Variants in CCDC88A observed in about 807,000 individuals in gnomAD.
CCDC88A encodes the protein girdin.
Under a neutral mutation model 234.3 loss-of-function variants are expected in CCDC88A, and 54 were observed. That is an observed-to-expected ratio of 0.23 (90% CI 0.19 to 0.29). The LOEUF is 0.29. Among genes scored for constraint, CCDC88A ranks in the 10% least tolerant of loss-of-function variants. The pLI is 1.00. For missense variants in CCDC88A, 1,832 were observed against 2,123.4 expected, an observed-to-expected ratio of 0.86 and a Z score of 2.70; for synonymous variants, 753 against 737.8, an observed-to-expected ratio of 1.02 and a Z score of -0.33.
At position 55,335,096 on chromosome 2, in the gene CCDC88A, C is replaced by T. The variant is rs1451415657; in HGVS notation, c.1725G>A (p.Gln575=). 1.9e-6 allele frequency: 3 copies of T among 1,600,092 alleles called. No individual in the cohort carries two copies. Among genetic ancestry groups the T allele is most frequent in the Non-Finnish European group, 2.6e-6 (3 of 1,175,022 alleles). Residue 575 remains glutamine (Q), a synonymous_variant, in exon 15 of 33, where the codon CAG becomes CAA. Transcript: ENST00000436346. This position sits in a 1 kb window ranked among gnomAD's most constrained non-coding sequence, Gnocchi z 4.5. ...QTVSSLRQRS[Q]ISAEARVKDI... ...CTTTCACTCTTGCTTCTGCACTTAT[C>T]TGGGACCGCTGCCTTAAGGAAGACA...
At chr2:55,349,880 T>C (rs530995085) in intron 8 of CCDC88A, 2 of 233,540 alleles carry the variant, frequency 8.6e-6, no homozygotes, top group African/African-American at 2.3e-5. Flanking sequence ...TGCCCTTCCA[T>C]TTCCACTCTT....
intron 12 of CCDC88A, among the ~76,000 whole-genome samples, chr2:55,342,501 G>C (rs149800655): frequency 1.3e-3 from 204 of 152,228 alleles, no homozygotes; most frequent in African/African-American, 4.7e-3. Context: ...TAACAAGTAA[G>C]GAAACTCTTA....
intron 29 of CCDC88A, among the ~76,000 whole-genome samples, chr2:55,298,291 A>G (rs1312674041): frequency 6.6e-6 from 1 of 151,834 alleles, no homozygotes; most frequent in Non-Finnish European, 1.5e-5. Context: ...CAAATCAGAA[A>G]AAAAAAAATC....
At chr2:55,343,507 A>G in intron 12 of CCDC88A, 141 bp downstream of exon 12, 1 of 633,534 alleles carries the variant, frequency 1.6e-6, no homozygotes, top group Non-Finnish European at 2.6e-6. Context: ...TGCAAACAAT[A>G]TATTACTGTG....
Position 55,349,647 on chromosome 2 carries a change from T to A in CCDC88A, c.801-48A>T, listed in dbSNP as rs564263098. 7.0e-6 allele frequency: 9 copies of A among 1,281,570 alleles called. No individual in the cohort carries two copies. In the African/African-American group the frequency reaches 1.3e-4, roughly 19 times the overall value. 79.4% of individuals were successfully genotyped at this position (1,281,570 alleles called of 1,614,324 possible). ...TTAAGTATACTATTTTTGAAAACTGTGATCATCATCTGCGTTAATATAAAT... is the reference window on the plus strand; with the variant it reads ...TTAAGTATACTATTTTTGAAAACTGAGATCATCATCTGCGTTAATATAAAT... On this transcript the variant is annotated intron_variant, in intron 8 of 32. Transcript: ENST00000436346.
rs547733323 is a variant in CCDC88A, at chr2:55,347,606, C to CTTTTTTTTTTTTTTTTTTT, written c.883-1292_883-1274dup. On this transcript the variant is annotated intron_variant, in intron 9 of 32. Coordinates refer to ENST00000436346, the MANE Select transcript of CCDC88A (RefSeq NM_001365480.1). The stretch of plus-strand genomic sequence containing the variant: ...ATACCTATGTTATCTATTCATCTAC[C>CTTTTTTTTTTTTTTTTTTT]TTTTTTTTTTTTTTTTTTTTGAGAC... 3.6e-4 allele frequency among the ~76,000 whole-genome samples: 37 copies of CTTTTTTTTTTTTTTTTTTT among 102,154 alleles called. 3 individuals are homozygous for CTTTTTTTTTTTTTTTTTTT. Among genetic ancestry groups the CTTTTTTTTTTTTTTTTTTT allele is most frequent in the East Asian group, 4.8e-4 (1 of 2,084 alleles). The allele number at this position is 102,154 out of a possible 152,430, so 67.0% of individuals were successfully genotyped here.
chr2:55,372,478 A>G lies in CCDC88A; in HGVS notation c.376T>C (p.Leu126=). ...TGAACTGCACAACCCAATAAAAGTA[A>G]AAGCAGTTTTTTAACTTCTTCTGTG... ...QGTEEVKKLL[L]LLLGCAVQCQ... is the part of the protein sequence containing the mutation. The change falls in exon 5 of 33, where the codon TTA becomes CTA. Residue 126 remains leucine (L), a synonymous_variant. Coordinates refer to ENST00000436346, the MANE Select transcript of CCDC88A (RefSeq NM_001365480.1). 6.5e-7 allele frequency: 1 copy of G among 1,526,930 alleles called. No homozygotes were observed. The highest frequency in any genetic ancestry group is 9.0e-7 in the Non-Finnish European group (1 of 1,106,676). 94.6% of individuals were successfully genotyped at this position (1,526,930 alleles called of 1,614,324 possible).
intron 5 of CCDC88A, 49 bp from the exon 6 acceptor site, chr2:55,364,082 C>A: frequency 1.1e-6 from 1 of 886,616 alleles, no homozygotes; most frequent in Non-Finnish European, 1.7e-6. Flanking sequence ...GGGTATGGTC[C>A]TTAAAATGTT....
chr2:55,300,383 A>G (rs2104568149), intron 28 of CCDC88A: 1 of 154,590 alleles, frequency 6.5e-6, no homozygotes, highest in South Asian at 2.0e-4. Flanking sequence ...ACACTGCCCT[A>G]TGCTAACTCT....
intron 13 of CCDC88A, 142 bp downstream of exon 13, chr2:55,339,322 A>G (rs941671185): frequency 4.5e-5 from 35 of 774,982 alleles, no homozygotes; most frequent in Non-Finnish European, 6.6e-5. Flanking sequence ...CATTCACACC[A>G]TATTTGTGTA....
chr2:55,317,851 T>C lies in CCDC88A; in HGVS notation c.3325-10A>G. 6.5e-7 allele frequency: 1 copy of C among 1,542,388 alleles called. No homozygotes were observed. Among genetic ancestry groups the C allele is most frequent in the Non-Finnish European group, 8.8e-7 (1 of 1,133,134 alleles). On this transcript the variant is annotated splice_polypyrimidine_tract_variant and intron_variant, in intron 19 of 32. Coordinates refer to ENST00000436346, the MANE Select transcript of CCDC88A (RefSeq NM_001365480.1). The surrounding 1 kb of genome is among the most constrained non-coding windows in gnomAD (Gnocchi z 4.2). ...GGGTGGAATTTTCAACCTATAAGAA[T>C]ATATATTGTTATCAGACATAAGAAA... is the stretch of plus-strand genomic sequence containing the variant.
intron 27 of CCDC88A, 126 bp downstream of exon 27, chr2:55,301,746 C>T: frequency 2.6e-6 from 2 of 777,158 alleles, no homozygotes; most frequent in South Asian, 1.7e-5. Context: ...CCTCCAAATC[C>T]AATACAGATC....
At position 55,335,567 on chromosome 2, in the gene CCDC88A, C is replaced by T. The variant is rs2104692482; in HGVS notation, c.1657-403G>A. On this transcript the variant is annotated intron_variant, in intron 14 of 32. Transcript: ENST00000436346. The surrounding 1 kb of genome is among the most constrained non-coding windows in gnomAD (Gnocchi z 4.5). ...TTTTACTAAGTAACCTTTGCAATGC[C>T]TACAGTGGGTCCTCAGTAAATATGT... Among the ~76,000 whole-genome samples, 1 of 152,244 alleles carries T rather than the reference C, an allele frequency of 6.6e-6. No individual in the cohort carries two copies. The highest frequency in any genetic ancestry group is 1.5e-5 in the Non-Finnish European group (1 of 68,016).
chr2:55,303,629 C>T (rs1171469859), intron 25 of CCDC88A, among the ~76,000 whole-genome samples: 6 of 152,180 alleles, frequency 3.9e-5, no homozygotes, highest in African/African-American at 1.4e-4. Context: ...GATCCGCCCA[C>T]CTCAGCCTCC....
At chr2:55,376,981 C>G (rs1391401306) in intron 3 of CCDC88A, among the ~76,000 whole-genome samples, 1 of 152,084 alleles carries the variant, frequency 6.6e-6, no homozygotes, top group Admixed American at 6.6e-5. Context: ...CAGGCGCCCA[C>G]CACCATGCCT....
At position 55,339,556 on chromosome 2, in the gene CCDC88A, C is replaced by T. The variant is rs753302907; in HGVS notation, c.1426G>A (p.Val476Ile). The T allele has an allele frequency of 1.2e-5, 19 of 1,613,760 alleles. No individual in the cohort carries two copies. Among genetic ancestry groups the T allele is most frequent in the East Asian group, 1.1e-4 (5 of 44,812 alleles). The change falls in exon 13 of 33, where the codon GTA (valine) becomes ATA (isoleucine). Residue 476 changes from valine to isoleucine, a missense_variant. By Grantham distance (29) the Val-to-Ile change is conservative. Transcript: ENST00000436346. ...EMENQSLTKT[V>I]EELRTTVDSV... ...TCCACAGTAGTCCGAAGCTCTTCTA[C>T]GGTTTTTGTCAAACTTTGATTTTCC...
Position 55,334,470 on chromosome 2 carries a change from C to G in CCDC88A, c.2351G>C (p.Ser784Thr). The stretch of plus-strand genomic sequence containing the variant: ...TTCCATCTCTAAGTCTTGTAGTTCA[C>G]TCTCTAATTGCTGGATTTTTTTATT... ...NSNKKIQQLE[S>T]ELQDLEMENQ... The change falls in exon 15 of 33, where the codon AGT becomes ACT. Residue 784 changes from serine to threonine, a missense_variant. Ser to Thr is a moderately conservative substitution (Grantham distance 58). This residue lies in a region of CCDC88A where 1,282 missense variants were observed against 1,543.6 expected (regional missense o/e 0.83). Coordinates refer to ENST00000436346, the MANE Select transcript of CCDC88A (RefSeq NM_001365480.1). This position sits in a 1 kb window ranked among gnomAD's most constrained non-coding sequence, Gnocchi z 6.1. 1 of 1,602,252 alleles carries G rather than the reference C, an allele frequency of 6.2e-7. No homozygotes were observed. The highest frequency in any genetic ancestry group is 8.5e-7 in the Non-Finnish European group (1 of 1,176,440).
chr2:55,331,590 T>C (rs954748252), intron 16 of CCDC88A, among the ~76,000 whole-genome samples: 1 of 152,140 alleles, frequency 6.6e-6, no homozygotes, highest in Admixed American at 6.5e-5. Flanking sequence ...AAAATAATAT[T>C]CTTAACAATA....
chr2:55,293,631 G>C (rs1679693091), intron 31 of CCDC88A: 1 of 151,792 alleles, frequency 6.6e-6, no homozygotes. Context: ...ACAACAACAA[G>C]TATAACATAA....
Sources: allele counts gnomAD v4.1 joint callset (sites outside exome capture counted in the v4.1 genomes callset), GRCh38; gene constraint gnomAD v4.1.1; regional missense constraint gnomAD v4.1.1; non-coding constraint Gnocchi (gnomAD v3.1); transcripts MANE v1.5; gene names NCBI Gene and HGNC (gene_info 2026-07-23, HGNC 2026-07-21).